The following HPF1 variants were observed in gnomAD, a reference collection of about 807,000 sequenced individuals.
HPF1 encodes the protein UPF0609 protein C4orf27.
In HPF1, 35 loss-of-function variants were observed where a neutral mutation model predicts 38.8. That is an observed-to-expected ratio of 0.90 (90% confidence interval 0.69 to 1.19). The LOEUF is 1.19. Among genes scored for constraint, HPF1 ranks in the 50% most tolerant of loss-of-function variants. HPF1 has a pLI of 0.00. For missense variants in HPF1, 367 were observed against 405.8 expected (o/e 0.90, Z 0.82); for synonymous variants, 115 against 139.2 (o/e 0.83, Z 1.22).
At position 169,729,539 on chromosome 4, in the gene HPF1, G is replaced by C; in HGVS notation, c.*39C>G. 7.2e-7 allele frequency: 1 copy of C among 1,384,816 alleles called. No individual in the cohort carries two copies. Among genetic ancestry groups the C allele is most frequent in the Non-Finnish European group, 9.5e-7 (1 of 1,057,070 alleles). The allele number at this position is 1,384,816 out of a possible 1,614,324, so 85.8% of individuals were successfully genotyped here. ...AACAAAAATCACAAGTTTAATACTA[G>C]TCCTTTGAAATACTGTACACCAATC... On this transcript the variant is annotated 3_prime_UTR_variant, in exon 8 of 8. Coordinates refer to ENST00000393381, the MANE Select transcript of HPF1 (RefSeq NM_017867.3).
rs757475600 is a variant in HPF1 at position 169,750,518 on chromosome 4, G to A, written c.398+18C>T. On this transcript the variant is annotated intron_variant, in intron 3 of 7. Coordinates refer to ENST00000393381, the MANE Select transcript of HPF1 (RefSeq NM_017867.3). ...AGGACAGCAGCTGTATTTTAGAGGC[G>A]AAGAAAAGATCCTTTACCTGAAATA... The A allele has an allele frequency of 2.5e-5, 39 of 1,548,152 alleles. No homozygotes were observed. Among genetic ancestry groups the A allele is most frequent in the Non-Finnish European group, 3.0e-5 (34 of 1,139,230 alleles).
intron 5 of HPF1, among the ~76,000 whole-genome samples, chr4:169,739,013 T>A (rs1034334847): frequency 2.6e-4 from 40 of 152,044 alleles, no homozygotes; most frequent in African/African-American, 8.7e-4. Flanking sequence ...GAGGGAGGGA[T>A]AGCATTAGGA....
chr4:169,739,370 T>A (rs542763508), intron 5 of HPF1, among the ~76,000 whole-genome samples: 1 of 151,710 alleles, frequency 6.6e-6, no homozygotes, highest in African/African-American at 2.4e-5. Context: ...TTAGAACACA[T>A]GTAAGAAAAA....
chr4:169,751,546 G>A (rs751358587), intron 2 of HPF1, among the ~76,000 whole-genome samples: 2 of 151,994 alleles, frequency 1.3e-5, no homozygotes, highest in South Asian at 2.1e-4. Context: ...CTCTATTCAC[G>A]GATCACAGAC....
Position 169,757,746 on chromosome 4 carries a change from G to A in HPF1, c.48+84C>T, listed in dbSNP as rs1010023508. On this transcript the variant is annotated intron_variant, in intron 1 of 7. Coordinates refer to ENST00000393381, the MANE Select transcript of HPF1 (RefSeq NM_017867.3). The stretch of plus-strand genomic sequence containing the variant: ...ACACACAGCAAGCTTAATAGTCACT[G>A]GATGAATGAAAAGCGCTGCCTCCTG... 6.3e-6 allele frequency: 8 copies of A among 1,262,418 alleles called. No individual in the cohort carries two copies. The African/African-American group carries it at 7.4e-5, about 12-fold the overall frequency. 78.2% of individuals were successfully genotyped at this position (1,262,418 alleles called of 1,614,324 possible).
intron 6 of HPF1, among the ~76,000 whole-genome samples, chr4:169,734,709 T>TTCTTA (rs1246924286): frequency 1.3e-5 from 2 of 152,230 alleles, no homozygotes; most frequent in African/African-American, 2.4e-5. Context: ...CACTGCTGAA[T>TTCTTA]TCTTACTATA....
At chr4:169,747,726 G>A (rs1035064078) in intron 4 of HPF1, among the ~76,000 whole-genome samples, 42 of 152,072 alleles carry the variant, frequency 2.8e-4, no homozygotes, top group African/African-American at 9.9e-4. Flanking sequence ...CTCCACATGG[G>A]ACCTATCTTC....
rs1447258836 is a variant in HPF1 at position 169,748,815 on chromosome 4, A to G, written c.426T>C (p.Tyr142=). The change falls in exon 4 of 8, where the codon TAT becomes TAC. Residue 142 remains tyrosine, a synonymous_variant. Transcript: ENST00000393381. ...FRDSPDEFPV[Y]VGINEAKKNC... ...TTTTCTTTGCTTCATTTATACCAAC[A>G]TATACAGGAAATTCATCAGGAGAAT... 7 of 1,512,246 alleles carry G rather than the reference A, an allele frequency of 4.6e-6. No homozygotes were observed. Among genetic ancestry groups the G allele is most frequent in the Non-Finnish European group, 6.3e-6 (7 of 1,116,402 alleles). The allele number at this position is 1,512,246 out of a possible 1,614,324, so 93.7% of individuals were successfully genotyped here.
At chr4:169,754,065 A>T (rs1021507015) in intron 1 of HPF1, among the ~76,000 whole-genome samples, 3 of 152,196 alleles carry the variant, frequency 2.0e-5, no homozygotes, top group African/African-American at 7.2e-5. Flanking sequence ...ATATTTTTGT[A>T]AGATAATGGA....
chr4:169,739,100 G>GCACGTTTGTTTAGGGTA (rs1733934478), intron 5 of HPF1, among the ~76,000 whole-genome samples: 1 of 152,006 alleles, frequency 6.6e-6, no homozygotes, highest in South Asian at 2.1e-4. Flanking sequence ...TAACAAACCT[G>GCACGTTTGTTTAGGGTA]CACGTTGTGC....
intron 2 of HPF1, among the ~76,000 whole-genome samples, chr4:169,751,201 G>A (rs771391664): frequency 2.0e-5 from 3 of 151,978 alleles, no homozygotes; most frequent in Non-Finnish European, 4.4e-5. Flanking sequence ...AGGTCAGGAG[G>A]AGACAAGCCT....
Position 169,729,513 on chromosome 4 carries a change from AAAC to A in HPF1, c.*62_*64del, listed in dbSNP as rs1733800793. 1 of 1,272,378 alleles carries A rather than the reference AAAC, an allele frequency of 7.9e-7. No individual in the cohort carries two copies. Among genetic ancestry groups the A allele is most frequent in the Non-Finnish European group, 1.0e-6 (1 of 977,144 alleles). The allele number at this position is 1,272,378 out of a possible 1,614,324, so 78.8% of individuals were successfully genotyped here. ...TTATTTTTTGTATTCCTTAAAAACA[AAAC>A]AAAAATCACAAGTTTAATACTAGTC... On this transcript the variant is annotated 3_prime_UTR_variant, in exon 8 of 8. Transcript: ENST00000393381.
At chr4:169,739,443 G>A (rs1397947873) in intron 5 of HPF1, among the ~76,000 whole-genome samples, 2 of 151,602 alleles carry the variant, frequency 1.3e-5, no homozygotes, top group Non-Finnish European at 2.9e-5. Context: ...AAAATACAAT[G>A]GCCAACAGAG....
chr4:169,737,549 C>T, intron 6 of HPF1, 111 bp downstream of exon 6: 1 of 741,714 alleles, frequency 1.3e-6, no homozygotes, highest in South Asian at 1.5e-5. Context: ...TTACTAAGGT[C>T]TAGCGACTGT....
intron 6 of HPF1, among the ~76,000 whole-genome samples, chr4:169,736,571 T>C (rs903717838): frequency 1.3e-4 from 20 of 152,128 alleles, no homozygotes; most frequent in African/African-American, 4.8e-4. Context: ...CTGGAGACTC[T>C]GCACAGTAAA....
At chr4:169,740,028 A>G (rs997889355) in intron 5 of HPF1, among the ~76,000 whole-genome samples, 2 of 152,228 alleles carry the variant, frequency 1.3e-5, no homozygotes, top group Non-Finnish European at 2.9e-5. Flanking sequence ...TAAGAAATTA[A>G]GAAGAATAAG....
chr4:169,736,980 T>G (rs1361195533), intron 6 of HPF1, among the ~76,000 whole-genome samples: 1 of 152,232 alleles, frequency 6.6e-6, no homozygotes. Context: ...TAAATCATTT[T>G]ATAGGCAGAT....
In HPF1 at chr4:169,742,068, T is replaced by C; in HGVS notation, c.537A>G (p.Lys179=). The C allele has an allele frequency of 6.2e-7, 1 of 1,611,428 alleles. No individual in the cohort carries two copies. Among genetic ancestry groups the C allele is most frequent in the Non-Finnish European group, 8.5e-7 (1 of 1,177,862 alleles). ...TGTTTTTCAAGAGATTGATTTTCTT[T>C]TTATCCGTTATTTCTCTAAGTTTTT... ...LTKKLREITD[K]KKINLLKNID... The change falls in exon 5 of 8, where the codon AAA becomes AAG. Residue 179 remains lysine (K), a synonymous_variant. Coordinates refer to ENST00000393381, the MANE Select transcript of HPF1 (RefSeq NM_017867.3).
At chr4:169,742,179 G>T in intron 4 of HPF1, 72 bp from the exon 5 acceptor site, 2 of 1,299,582 alleles carry the variant, frequency 1.5e-6, no homozygotes, top group Non-Finnish European at 2.1e-6. Context: ...TCAAAGTTGA[G>T]CCAAGGTAAA....
Sources: allele counts gnomAD v4.1 joint callset (sites outside exome capture counted in the v4.1 genomes callset), GRCh38; gene constraint gnomAD v4.1.1; transcripts MANE v1.5; gene names NCBI Gene and HGNC (gene_info 2026-07-23, HGNC 2026-07-21).